Variants in KAZN observed in about 807,000 individuals in gnomAD.
The protein encoded by KAZN is kazrin.
KAZN carries 40 observed loss-of-function variants against 87.4 expected under a neutral mutation model. The ratio of observed to expected loss-of-function variants is 0.46; its 90% CI spans 0.36 to 0.60. The LOEUF is 0.60. Among genes scored for constraint, KAZN ranks in the 20% least tolerant of loss-of-function variants. The probability of loss-of-function intolerance (pLI) is 0.00; values close to 1 mark genes in which losing one functional copy is unlikely to be tolerated. For synonymous variants in KAZN, 466 were observed against 458.3 expected (o/e 1.02, Z -0.22); for missense variants, 898 against 1,073.9 (o/e 0.84, Z 2.29).
At chr1:14,515,408 G>C (rs997233327) in intron 2 of KAZN, among the ~76,000 whole-genome samples, 2 of 152,330 alleles carry the variant, frequency 1.3e-5, no homozygotes, top group African/African-American at 4.8e-5. Context: ...AGGAGGGATG[G>C]GAGCAGGGCA....
chr1:14,003,747 A>T (rs1047739673), intron 1 of KAZN, among the ~76,000 whole-genome samples: 2 of 152,212 alleles, frequency 1.3e-5, no homozygotes, highest in Non-Finnish European at 2.9e-5. Flanking sequence ...AAACAGAAAC[A>T]AAACCAGAAA....
upstream of KAZN, among the ~76,000 whole-genome samples, chr1:14,596,946 C>T (rs1676547312): frequency 1.3e-5 from 2 of 152,158 alleles, no homozygotes; most frequent in Admixed American, 1.3e-4. Context: ...GGACATATAC[C>T]TAGGAGTGGA....
At chr1:15,098,571 G>T (rs1640898453) in intron 10 of KAZN, among the ~76,000 whole-genome samples, 1 of 152,242 alleles carries the variant, frequency 6.6e-6, no homozygotes, top group African/African-American at 2.4e-5. Flanking sequence ...GGCCATTCTA[G>T]TCTTCATCAG....
intron 1 of KAZN, among the ~76,000 whole-genome samples, chr1:14,827,157 T>G (rs1646915292): frequency 6.6e-6 from 1 of 152,158 alleles, no homozygotes; most frequent in Non-Finnish European, 1.5e-5. Context: ...TAAGGTAACT[T>G]TCTGTCATGC....
intron 1 of KAZN, among the ~76,000 whole-genome samples, chr1:13,977,584 T>G (rs1283654946): frequency 1.3e-5 from 2 of 152,180 alleles, no homozygotes; most frequent in African/African-American, 4.8e-5. Flanking sequence ...AAAATCTTAT[T>G]CATGTCAACT....
At chr1:14,887,323 G>A (rs115849630) in intron 1 of KAZN, among the ~76,000 whole-genome samples, 9,851 of 152,216 alleles carry the variant, frequency 0.065, 446 homozygotes, top group African/African-American at 0.12. Flanking sequence ...TAGCATTGCC[G>A]TGAAGAACTT....
At chr1:14,981,405 G>C (rs532060532) in intron 2 of KAZN, among the ~76,000 whole-genome samples, 3 of 152,236 alleles carry the variant, frequency 2.0e-5, no homozygotes. Context: ...ACTCCCACTA[G>C]CTTATATGGA....
chr1:14,745,477 C>T (rs1008592881), intron 1 of KAZN, among the ~76,000 whole-genome samples: 1 of 152,056 alleles, frequency 6.6e-6, no homozygotes, highest in Non-Finnish European at 1.5e-5. Flanking sequence ...GATTGCTGCT[C>T]CTACAACACT....
chr1:14,124,659 G>A (rs1313841095), intron 1 of KAZN, among the ~76,000 whole-genome samples: 4 of 151,810 alleles, frequency 2.6e-5, no homozygotes, highest in Admixed American at 6.6e-5. Flanking sequence ...ATTCGCCAAC[G>A]GCCTCTCTCA....
At chr1:13,967,686 G>A (rs1883644) in intron 1 of KAZN, among the ~76,000 whole-genome samples, 93,881 of 152,052 alleles carry the variant, frequency 0.62, 29,975 homozygotes, top group East Asian at 0.87. Flanking sequence ...GCCTTCATAC[G>A]TTCCATGGGT....
intron 1 of KAZN, among the ~76,000 whole-genome samples, chr1:13,929,986 A>G (rs1401319945): frequency 6.6e-6 from 1 of 152,142 alleles, no homozygotes; most frequent in Non-Finnish European, 1.5e-5. Flanking sequence ...CCAGAATTTG[A>G]ACTCAGGCAA....
chr1:13,974,313 A>G (rs1642235594), intron 1 of KAZN, among the ~76,000 whole-genome samples: 1 of 152,252 alleles, frequency 6.6e-6, no homozygotes, highest in Non-Finnish European at 1.5e-5. Context: ...GGGAAAGTTT[A>G]TATCAGTGTA....
intron 1 of KAZN, among the ~76,000 whole-genome samples, chr1:13,991,673 C>T (rs12074262): frequency 0.03 from 4,618 of 152,112 alleles, 224 homozygotes; most frequent in African/African-American, 0.11. Flanking sequence ...AATTCTGGAA[C>T]AAGTAATAAT....
At chr1:14,522,589 G>A (rs961781080) in intron 2 of KAZN, among the ~76,000 whole-genome samples, 3 of 152,206 alleles carry the variant, frequency 2.0e-5, no homozygotes, top group African/African-American at 7.2e-5. Flanking sequence ...TTAATAAAAA[G>A]CCCGAGAAAA....
chr1:14,411,495 C>T (rs1664299449), intron 2 of KAZN, among the ~76,000 whole-genome samples: 2 of 152,180 alleles, frequency 1.3e-5, no homozygotes, highest in South Asian at 4.1e-4. Flanking sequence ...GGGGTTTTGC[C>T]ATGTTGGCCA....
chr1:14,609,301 C>T (rs1411095761), intron 1 of KAZN, among the ~76,000 whole-genome samples: 1 of 152,068 alleles, frequency 6.6e-6, no homozygotes, highest in Non-Finnish European at 1.5e-5. Context: ...CTCAGAGTGC[C>T]CTGTTTGCAA....
intron 1 of KAZN, among the ~76,000 whole-genome samples, chr1:14,790,925 C>T (rs1645655527): frequency 6.6e-6 from 1 of 152,172 alleles, no homozygotes; most frequent in South Asian, 2.1e-4. Flanking sequence ...CTCCTGAGCT[C>T]AAGCGATCCT....
At chr1:14,627,661 G>A (rs896995832) in intron 1 of KAZN, among the ~76,000 whole-genome samples, 4 of 152,144 alleles carry the variant, frequency 2.6e-5, no homozygotes, top group Non-Finnish European at 2.9e-5. Context: ...ATAAATATAT[G>A]TTCAATGACT....
At chr1:14,096,120 C>T (rs893274367) in intron 1 of KAZN, among the ~76,000 whole-genome samples, 1 of 152,038 alleles carries the variant, frequency 6.6e-6, no homozygotes, top group Non-Finnish European at 1.5e-5. Context: ...AATAAGAAGG[C>T]AATAATCAAG....
Sources: gnomAD v4.1 joint callset for allele counts (sites outside exome capture counted in the v4.1 genomes callset) on GRCh38, gnomAD v4.1.1 for gene constraint, MANE v1.5 for transcripts, NCBI Gene and HGNC (gene_info 2026-07-23, HGNC 2026-07-21) for gene names.